BTBD7: variants seen among roughly 807,000 people sequenced by gnomAD.
BTBD7 encodes the protein BTB/POZ domain-containing protein 7.
Under a neutral mutation model 99.9 loss-of-function variants are expected in BTBD7, and 38 were observed. The ratio of observed to expected loss-of-function variants is 0.38; its 90% CI spans 0.29 to 0.50. The LOEUF is 0.50. BTBD7 is among the 20% of genes least tolerant of loss of function. The pLI is 0.93. For synonymous variants in BTBD7, 520 were observed against 511.4 expected, an observed-to-expected ratio of 1.02 and a Z score of -0.23; for missense variants, 1,170 against 1,394.6, an observed-to-expected ratio of 0.84 and a Z score of 2.57.
chr14:93,249,266 C>CA (rs56893984), intron 8 of BTBD7, among the ~76,000 whole-genome samples: 703 of 25,878 alleles, frequency 0.027, 191 homozygotes, highest in African/African-American at 0.073. Context: ...ACCAGATAGG[C>CA]AAAAAAAAAA....
chr14:93,272,153 C>T (rs932900350), intron 3 of BTBD7, among the ~76,000 whole-genome samples: 2 of 151,936 alleles, frequency 1.3e-5, no homozygotes, highest in African/African-American at 4.8e-5. Flanking sequence ...CCCATCTGTA[C>T]TAAAAATCTA....
chr14:93,288,661 G>A, intron 3 of BTBD7: 1 of 1,461,764 alleles, frequency 6.8e-7, no homozygotes, highest in Admixed American at 1.7e-5. Flanking sequence ...GTAAGCAGCT[G>A]TTTGAAAGCT....
chr14:93,297,236 T>C (rs2052939843), intron 1 of BTBD7, among the ~76,000 whole-genome samples: 1 of 152,242 alleles, frequency 6.6e-6, no homozygotes, highest in South Asian at 2.1e-4. Flanking sequence ...TCTCTGTTAG[T>C]GACACAGCAT....
rs778961670 is a variant in BTBD7, at chr14:93,246,094, T to C, written c.2314A>G (p.Ile772Val). Residue 772 changes from isoleucine (I) to valine (V), a missense_variant, in exon 10 of 11, where the codon ATC becomes GTC. Ile to Val is a conservative substitution (Grantham distance 29, BLOSUM62 3). Transcript: ENST00000334746. ...CAGCCTGCTTTGAGTTGGTTATGGA[T>C]TGGGGTAGCTGGGGGGTGGTAGGGA... ...PPPYHPPATP[I>V]HNQLKAGWKQ... 1 of 1,559,708 alleles carries C rather than the reference T, an allele frequency of 6.4e-7. No homozygotes were observed. Among genetic ancestry groups the C allele is most frequent in the South Asian group, 1.1e-5 (1 of 89,012 alleles).
intron 1 of BTBD7, among the ~76,000 whole-genome samples, chr14:93,325,786 G>A (rs190746743): frequency 5.9e-5 from 9 of 152,182 alleles, no homozygotes; most frequent in Admixed American, 5.2e-4. Context: ...GCTCTAAAAG[G>A]GAACTATTTT....
intron 1 of BTBD7, among the ~76,000 whole-genome samples, chr14:93,331,261 G>A (rs978856135): frequency 3.9e-5 from 6 of 152,200 alleles, no homozygotes; most frequent in African/African-American, 1.4e-4. Context: ...CAGCTCAGCA[G>A]TGTAGTAACA....
chr14:93,274,594 T>G (rs1192812368), intron 3 of BTBD7, among the ~76,000 whole-genome samples: 1 of 152,238 alleles, frequency 6.6e-6, no homozygotes, highest in Non-Finnish European at 1.5e-5. Flanking sequence ...GGATTATGCC[T>G]GATTGACCAC....
At chr14:93,271,997 C>T (rs1478723960) in intron 3 of BTBD7, among the ~76,000 whole-genome samples, 1 of 151,806 alleles carries the variant, frequency 6.6e-6, no homozygotes, top group Non-Finnish European at 1.5e-5. Context: ...AGATGAGACC[C>T]TGTCTTAAAA....
In BTBD7 at chr14:93,332,897, C is replaced by T. The variant is rs1288314125; in HGVS notation, c.-184G>A. The T allele has an allele frequency of 8.6e-6, 12 of 1,391,080 alleles. No individual in the cohort carries two copies. The Admixed American group carries it at 3.2e-4, about 37-fold the overall frequency. 86.2% of individuals were successfully genotyped at this position (1,391,080 alleles called of 1,614,324 possible). A position where few individuals can be genotyped will look rare whatever the true frequency, so the allele number is the denominator to read the frequency against. On this transcript the variant is annotated 5_prime_UTR_variant, in exon 1 of 11. Transcript: ENST00000334746. ...TCCGCCGCCGCCGCCACCAGCACCGCCGTCCGCACCGGCGCCAGCACCCCC... is the reference window on the plus strand; with the variant it reads ...TCCGCCGCCGCCGCCACCAGCACCGTCGTCCGCACCGGCGCCAGCACCCCC...
At chr14:93,288,563 T>A (rs778195702) in intron 3 of BTBD7, 21 of 824,544 alleles carry the variant, frequency 2.5e-5, no homozygotes, top group Non-Finnish European at 3.3e-5. Flanking sequence ...GACTTTGTTC[T>A]TTTTGCTCTG....
intron 1 of BTBD7, among the ~76,000 whole-genome samples, chr14:93,322,273 CT>C (rs1422754291): frequency 6.6e-6 from 1 of 152,018 alleles, no homozygotes; most frequent in Non-Finnish European, 1.5e-5. Flanking sequence ...ACCACCATAC[CT>C]GGCTAATTTT....
intron 1 of BTBD7, among the ~76,000 whole-genome samples, chr14:93,326,776 C>T (rs551781540): frequency 1.1e-4 from 16 of 149,704 alleles, no homozygotes; most frequent in Non-Finnish European, 1.8e-4. Flanking sequence ...TGCGCTCCAG[C>T]CTGGGCGACA....
chr14:93,279,145 T>C (rs1428154963), intron 3 of BTBD7, among the ~76,000 whole-genome samples: 1 of 152,180 alleles, frequency 6.6e-6, no homozygotes, highest in Non-Finnish European at 1.5e-5. Context: ...TTTTAGAAAA[T>C]ACAAATGTAA....
At chr14:93,316,525 A>G (rs1028910412) in intron 1 of BTBD7, among the ~76,000 whole-genome samples, 1 of 152,204 alleles carries the variant, frequency 6.6e-6, no homozygotes, top group Non-Finnish European at 1.5e-5. Context: ...TAAGGATTAC[A>G]GGTGTGAGCC....
intron 1 of BTBD7, among the ~76,000 whole-genome samples, chr14:93,301,939 C>A (rs75146239): frequency 1.3e-5 from 2 of 152,054 alleles, no homozygotes; most frequent in East Asian, 3.9e-4. Context: ...CTGAAAAGAG[C>A]CAGTAAAGAT....
rs2053290579 is a variant in BTBD7 at position 93,323,277 on chromosome 14, T to A, written c.-107+9543A>T. 2.0e-5 allele frequency among the ~76,000 whole-genome samples: 3 copies of A among 152,266 alleles called. No homozygotes were observed. The South Asian group carries it at 6.2e-4, about 32-fold the overall frequency. ...ATTTTTTTAACCCTACAAATTACTA[T>A]GTTAATGTTTAATTTATTTGACCAA... On this transcript the variant is annotated intron_variant, in intron 1 of 10. Transcript: ENST00000334746.
intron 3 of BTBD7, 24 bp downstream of exon 3, chr14:93,293,834 G>C: frequency 6.3e-7 from 1 of 1,575,494 alleles, no homozygotes; most frequent in South Asian, 1.2e-5. Flanking sequence ...CTATAAATCA[G>C]AATTAAAAAC....
intron 1 of BTBD7, among the ~76,000 whole-genome samples, chr14:93,329,989 A>G (rs142182233): frequency 6.6e-6 from 1 of 152,334 alleles, no homozygotes; most frequent in African/African-American, 2.4e-5. Context: ...AAGCCCACAG[A>G]TATCTGCTAT....
At chr14:93,252,034 G>C (rs1195994415) in intron 7 of BTBD7, among the ~76,000 whole-genome samples, 4 of 152,132 alleles carry the variant, frequency 2.6e-5, no homozygotes, top group African/African-American at 9.7e-5. Flanking sequence ...TCAGGGCCGG[G>C]CGTGGTGACT....
Sources: allele counts gnomAD v4.1 joint callset (sites outside exome capture counted in the v4.1 genomes callset), GRCh38; gene constraint gnomAD v4.1.1; transcripts MANE v1.5; gene names NCBI Gene and HGNC (gene_info 2026-07-23, HGNC 2026-07-21).